Variants in CAMKMT observed in about 807,000 individuals in gnomAD.
CAMKMT encodes the protein CaM KMT.
CAMKMT carries 53 observed loss-of-function variants against 48.0 expected under a neutral mutation model. That is an observed-to-expected ratio of 1.10 (90% CI 0.89 to 1.39). The LOEUF is 1.39. CAMKMT is among the 40% of genes most tolerant of loss of function. The pLI, the probability that CAMKMT is intolerant of heterozygous loss-of-function variation, is 0.00. For synonymous variants in CAMKMT, 165 were observed against 152.3 expected (o/e 1.08, Z -0.61); for missense variants, 428 against 402.7 (o/e 1.06, Z -0.54).
At chr2:44,488,983 C>T (rs1042517626) in intron 3 of CAMKMT, among the ~76,000 whole-genome samples, 1 of 151,748 alleles carries the variant, frequency 6.6e-6, no homozygotes, top group South Asian at 2.1e-4. Context: ...CTCCTGTCCC[C>T]CCGTCCTGAG....
At chr2:44,496,881 T>C (rs987692837) in intron 3 of CAMKMT, among the ~76,000 whole-genome samples, 2 of 152,186 alleles carry the variant, frequency 1.3e-5, no homozygotes, top group African/African-American at 4.8e-5. Context: ...TAAAAACGTT[T>C]AGAGCTGCTG....
intron 3 of CAMKMT, among the ~76,000 whole-genome samples, chr2:44,525,174 A>G (rs1422051937): frequency 1.3e-5 from 2 of 152,204 alleles, no homozygotes; most frequent in African/African-American, 4.8e-5. Flanking sequence ...AAATTAGATT[A>G]TTATTTTAGA....
intron 3 of CAMKMT, among the ~76,000 whole-genome samples, chr2:44,418,792 T>C (rs1683738516): frequency 6.6e-6 from 1 of 152,228 alleles, no homozygotes; most frequent in African/African-American, 2.4e-5. Context: ...CTACTACAAT[T>C]TTGATTGGAT....
chr2:44,622,468 C>T (rs555327161), intron 3 of CAMKMT, among the ~76,000 whole-genome samples: 6 of 152,286 alleles, frequency 3.9e-5, no homozygotes, highest in Admixed American at 6.5e-5. Flanking sequence ...GTACCTAATA[C>T]GCAGTTTTTC....
intron 3 of CAMKMT, among the ~76,000 whole-genome samples, chr2:44,494,601 T>G (rs1008935088): frequency 6.6e-6 from 1 of 152,234 alleles, no homozygotes; most frequent in African/African-American, 2.4e-5. Flanking sequence ...TGGATTGTTT[T>G]TAAATTAATG....
chr2:44,414,497 T>C (rs1278084949), intron 3 of CAMKMT, among the ~76,000 whole-genome samples: 1 of 152,168 alleles, frequency 6.6e-6, no homozygotes, highest in Non-Finnish European at 1.5e-5. Context: ...TTTCACCCTG[T>C]GGGCCTTCCA....
intron 3 of CAMKMT, among the ~76,000 whole-genome samples, chr2:44,398,567 C>CTTTTTTTTT (rs10711902): frequency 7.9e-6 from 1 of 125,816 alleles, no homozygotes; most frequent in Non-Finnish European, 1.7e-5. Flanking sequence ...CTTTTCTTTT[C>CTTTTTTTTT]TTTTTTTTTT....
chr2:44,603,623 C>T (rs188547956), intron 3 of CAMKMT, among the ~76,000 whole-genome samples: 1 of 152,114 alleles, frequency 6.6e-6, no homozygotes, highest in Non-Finnish European at 1.5e-5. Flanking sequence ...AGTCATCTGG[C>T]CATTCCACCA....
chr2:44,381,602 A>G (rs908575831), intron 2 of CAMKMT, among the ~76,000 whole-genome samples: 7 of 152,212 alleles, frequency 4.6e-5, no homozygotes, highest in Admixed American at 4.6e-4. Flanking sequence ...GGTTCAATAA[A>G]TTATGGTGCA....
chr2:44,554,694 G>T (rs1004026073), intron 3 of CAMKMT, among the ~76,000 whole-genome samples: 6 of 151,844 alleles, frequency 4.0e-5, no homozygotes, highest in Non-Finnish European at 8.8e-5. Context: ...AACATAGTTA[G>T]ACCTTGTCTC....
At chr2:44,680,312 A>G (rs975532131) in intron 3 of CAMKMT, among the ~76,000 whole-genome samples, 2 of 152,082 alleles carry the variant, frequency 1.3e-5, no homozygotes, top group Non-Finnish European at 2.9e-5. Context: ...TTCCCTTTTC[A>G]TGGGAGTGTG....
chr2:44,516,306 T>C lies in CAMKMT; in HGVS notation c.376+126001T>C, dbSNP rs78083253. Among the ~76,000 whole-genome samples, 664 of 152,324 alleles carry C rather than the reference T, an allele frequency of 4.4e-3. 1 individual carries two copies. Among genetic ancestry groups the C allele is most frequent in the African/African-American group, 0.015 (625 of 41,588 alleles). On this transcript the variant is annotated intron_variant, in intron 3 of 10. Coordinates refer to ENST00000378494, the MANE Select transcript of CAMKMT (RefSeq NM_024766.5). ...ACAGTGTTAGGCCAGGGGGAAGCCA[T>C]GCAGTTAAATTATTTTTAGCATGCA... is the stretch of plus-strand genomic sequence containing the variant.
At chr2:44,767,742 T>TA (rs775784777) in intron 10 of CAMKMT, among the ~76,000 whole-genome samples, 132 of 151,730 alleles carry the variant, frequency 8.7e-4, no homozygotes, top group Non-Finnish European at 1.4e-3. Flanking sequence ...TCCCTCCCCC[T>TA]AAAAAAAAGC....
chr2:44,716,615 T>C (rs1471181402), intron 7 of CAMKMT, among the ~76,000 whole-genome samples: 1 of 151,994 alleles, frequency 6.6e-6, no homozygotes, highest in African/African-American at 2.4e-5. Context: ...CTGGGGTAGG[T>C]TGAGAGAAAG....
chr2:44,568,344 C>G (rs72881173), intron 3 of CAMKMT, among the ~76,000 whole-genome samples: 7,274 of 152,220 alleles, frequency 0.048, 533 homozygotes, highest in African/African-American at 0.16. Context: ...CAAGAACTTA[C>G]ATAGGAGAGA....
At chr2:44,673,632 A>G (rs1324118451) in intron 3 of CAMKMT, among the ~76,000 whole-genome samples, 1 of 152,080 alleles carries the variant, frequency 6.6e-6, no homozygotes, top group East Asian at 1.9e-4. Flanking sequence ...GGCGGTAGCT[A>G]TCTAAACCAA....
intron 3 of CAMKMT, among the ~76,000 whole-genome samples, chr2:44,486,807 C>T (rs1324771500): frequency 1.3e-5 from 2 of 152,184 alleles, no homozygotes; most frequent in Non-Finnish European, 2.9e-5. Flanking sequence ...CGTAAGCTTC[C>T]TGAGTGAAGT....
intron 3 of CAMKMT, among the ~76,000 whole-genome samples, chr2:44,581,870 G>T (rs1411156358): frequency 6.6e-6 from 1 of 151,982 alleles, no homozygotes; most frequent in Admixed American, 6.6e-5. Context: ...GTGGTGCCGC[G>T]CGCCTGTAGT....
intron 3 of CAMKMT, among the ~76,000 whole-genome samples, chr2:44,630,821 T>C: frequency 6.6e-6 from 1 of 151,346 alleles, no homozygotes; most frequent in Non-Finnish European, 1.5e-5. Context: ...AGTTCAACCA[T>C]TTGGGAAGTC....
Sources: gnomAD v4.1 joint callset for allele counts (sites outside exome capture counted in the v4.1 genomes callset) on GRCh38, gnomAD v4.1.1 for gene constraint, MANE v1.5 for transcripts, NCBI Gene and HGNC (gene_info 2026-07-23, HGNC 2026-07-21) for gene names.